Variants in SCNN1B observed in about 807,000 individuals in gnomAD.
The protein encoded by SCNN1B is epithelial sodium channel subunit beta.
Under a neutral mutation model 65.3 loss-of-function variants are expected in SCNN1B, and 46 were observed. That is an observed-to-expected ratio of 0.70 (90% CI 0.56 to 0.90). SCNN1B has a LOEUF of 0.90. SCNN1B is among the 40% of genes least tolerant of loss of function. SCNN1B has a pLI of 0.00. For synonymous variants in SCNN1B, 349 were observed against 330.6 expected (o/e 1.06, Z -0.60); for missense variants, 751 against 830.5 (o/e 0.90, Z 1.18).
At chr16:23,299,302 C>T (rs544749516), upstream of SCNN1B, among the ~76,000 whole-genome samples, 48 of 152,146 alleles carry the variant, frequency 3.2e-4, no homozygotes, top group East Asian at 2.9e-3. Flanking sequence ...TCAGGCAATC[C>T]GCCCACCTTG....
At chr16:23,375,352 C>G (rs1259230480) in intron 7 of SCNN1B, among the ~76,000 whole-genome samples, 1 of 152,170 alleles carries the variant, frequency 6.6e-6, no homozygotes. Flanking sequence ...CAGGGTGCAT[C>G]TGTGTCAGGT....
At chr16:23,342,217 G>T (rs1282085679) in intron 1 of SCNN1B, among the ~76,000 whole-genome samples, 2 of 152,178 alleles carry the variant, frequency 1.3e-5, no homozygotes, top group African/African-American at 4.8e-5. Flanking sequence ...AGTGAAAGAA[G>T]CCAGTCAGAA....
Position 23,371,834 on chromosome 16 carries a change from TC to T in SCNN1B, c.1107del (p.Val370SerfsTer26). On this transcript the variant is annotated frameshift_variant, in exon 7 of 13. Transcript: ENST00000343070. LOFTEE classifies it high-confidence loss of function. ...YSPCTVNGSEVPVQNFYSDYN... is the reference protein window; with the variant it reads ...YSPCTVNGSEXPVQNFYSDYN... ...CCGTGCACCGTGAATGGTTCTGAGG[TC>T]CCCGTCCAAAACTTCTACAGTGACT... The T allele has an allele frequency of 6.2e-7, 1 of 1,614,150 alleles. No individual in the cohort carries two copies. Among genetic ancestry groups the T allele is most frequent in the South Asian group, 1.1e-5 (1 of 91,074 alleles).
intron 2 of SCNN1B, among the ~76,000 whole-genome samples, chr16:23,289,828 A>G (rs1378374980): frequency 1.3e-5 from 2 of 151,966 alleles, no homozygotes; most frequent in Admixed American, 6.6e-5. Flanking sequence ...GGCATGCGCC[A>G]CCACGCCTGG....
At position 23,362,226 on chromosome 16, in the gene SCNN1B, T is replaced by A. The variant is rs200555552; in HGVS notation, c.777-5630T>A. Among the ~76,000 whole-genome samples, 7 of 151,322 alleles carry A rather than the reference T, an allele frequency of 4.6e-5. No individual in the cohort carries two copies. The East Asian group carries it at 1.4e-3, about 30-fold the overall frequency. ...CGGGTGTGTTGGCATGCACCTGTAA[T>A]CCCAGCTACTAGGGAGGCTGAGGCA... is the stretch of plus-strand genomic sequence containing the variant. On this transcript the variant is annotated intron_variant, in intron 4 of 12. Transcript: ENST00000343070.
rs369905217 is a variant in SCNN1B, at chr16:23,375,866, G to A, written c.1270+11G>A. 5 of 1,564,136 alleles carry A rather than the reference G, an allele frequency of 3.2e-6. No homozygotes were observed. Among genetic ancestry groups the A allele is most frequent in the Admixed American group, 1.7e-5 (1 of 59,956 alleles). On this transcript the variant is annotated intron_variant, in intron 8 of 12. Coordinates refer to ENST00000343070, the MANE Select transcript of SCNN1B (RefSeq NM_000336.3). The stretch of plus-strand genomic sequence containing the variant: ...ACTTCCCAGACTGGGGTGAGCGGGG[G>A]CACGGGGGATCGGCACTCCAGCCAT...
intron 1 of SCNN1B, among the ~76,000 whole-genome samples, chr16:23,346,838 G>C (rs1040607322): frequency 6.6e-6 from 1 of 151,884 alleles, no homozygotes; most frequent in Non-Finnish European, 1.5e-5. Context: ...TGACACTTAG[G>C]TGCCAGGCAT....
Position 23,352,943 on chromosome 16 carries a change from C to T in SCNN1B, c.454C>T (p.Leu152Phe), listed in dbSNP as rs199832551. The stretch of plus-strand genomic sequence containing the variant: ...CATCTGGAACCACACACCCCTGGTC[C>T]TTATTGATGAACGGAACCCCCACCA... ...FSIWNHTPLVLIDERNPHHPM... is the reference protein window; with the variant it reads ...FSIWNHTPLVFIDERNPHHPM... Residue 152 changes from leucine to phenylalanine, a missense_variant, in exon 3 of 13, where the codon CTT becomes TTT. Coordinates refer to ENST00000343070, the MANE Select transcript of SCNN1B (RefSeq NM_000336.3). The T allele has an allele frequency of 3.1e-6, 5 of 1,614,094 alleles. No homozygotes were observed. Among genetic ancestry groups the T allele is most frequent in the African/African-American group, 1.3e-5 (1 of 74,922 alleles).
At chr16:23,352,560 T>A (rs1295958312) in intron 2 of SCNN1B, among the ~76,000 whole-genome samples, 1 of 152,220 alleles carries the variant, frequency 6.6e-6, no homozygotes, top group Non-Finnish European at 1.5e-5. Flanking sequence ...CCTGCTGCCA[T>A]GTAAGACATG....
intron 2 of SCNN1B, among the ~76,000 whole-genome samples, chr16:23,288,528 T>A (rs1960882576): frequency 6.6e-6 from 1 of 152,120 alleles, no homozygotes; most frequent in African/African-American, 2.4e-5. Context: ...TGGGGCCAGG[T>A]GCAGTGGCTC....
At chr16:23,341,010 AT>A (rs1962043913) in intron 1 of SCNN1B, among the ~76,000 whole-genome samples, 1 of 152,090 alleles carries the variant, frequency 6.6e-6, no homozygotes, top group South Asian at 2.1e-4. Context: ...CAGTTTGTCA[AT>A]TTCTACAAAA....
In SCNN1B at chr16:23,351,869, T is replaced by TC. The variant is rs546148428; in HGVS notation, c.312-926dup. Among the ~76,000 whole-genome samples the TC allele has an allele frequency of 1.8e-3, 266 of 150,760 alleles. 1 individual carries two copies. The highest frequency in any genetic ancestry group is 2.9e-3 in the Non-Finnish European group (200 of 67,970). ...AACTGGCTCCTGTTCCCAAAGTTGC[T>TC]CCCCCCTGGGAGGGAGATCTCAGAA... On this transcript the variant is annotated intron_variant, in intron 2 of 12. Coordinates refer to ENST00000343070, the MANE Select transcript of SCNN1B (RefSeq NM_000336.3).
intron 2 of SCNN1B, among the ~76,000 whole-genome samples, chr16:23,293,114 C>CAAAAAAAAAAAAAAAAAAAA (rs1191618996): frequency 5.9e-5 from 2 of 34,180 alleles, no homozygotes; most frequent in African/African-American, 7.6e-5. Flanking sequence ...GACTCATTCT[C>CAAAAAAAAAAAAAAAAAAAA]AAAAAAAAAA....
chr16:23,373,994 T>A (rs1235714549), intron 7 of SCNN1B, among the ~76,000 whole-genome samples: 2 of 152,118 alleles, frequency 1.3e-5, no homozygotes, highest in Non-Finnish European at 2.9e-5. Context: ...TCGGGAGCTC[T>A]GCCCATCCCC....
At chr16:23,318,062 C>T (rs748833092) in intron 1 of SCNN1B, among the ~76,000 whole-genome samples, 1 of 152,126 alleles carries the variant, frequency 6.6e-6, no homozygotes, top group Non-Finnish European at 1.5e-5. Flanking sequence ...GGCAAACGGC[C>T]CAGGTTTGCT....
chr16:23,289,877 T>C (rs536055347), intron 2 of SCNN1B, among the ~76,000 whole-genome samples: 9 of 152,036 alleles, frequency 5.9e-5, no homozygotes, highest in African/African-American at 9.7e-5. Context: ...GGTTTCACCA[T>C]GTTGGCCAGG....
intron 1 of SCNN1B, among the ~76,000 whole-genome samples, chr16:23,304,932 C>A (rs781149767): frequency 1.2e-4 from 18 of 152,148 alleles, no homozygotes; most frequent in Non-Finnish European, 2.4e-4. Flanking sequence ...AGGGACTCAT[C>A]AGCATCAGTA....
intron 1 of SCNN1B, among the ~76,000 whole-genome samples, chr16:23,307,206 A>G (rs1314412358): frequency 6.6e-6 from 1 of 152,054 alleles, no homozygotes; most frequent in African/African-American, 2.4e-5. Context: ...GGGTTCGAAG[A>G]CAGAGTGAAT....
intron 1 of SCNN1B, among the ~76,000 whole-genome samples, chr16:23,329,006 C>T (rs2141999615): frequency 6.6e-6 from 1 of 152,154 alleles, no homozygotes; most frequent in South Asian, 2.1e-4. Flanking sequence ...CGCTGTCTTG[C>T]CCAGGCTGGT....
Sources: gnomAD v4.1 joint callset for allele counts (sites outside exome capture counted in the v4.1 genomes callset) on GRCh38, gnomAD v4.1.1 for gene constraint, MANE v1.5 for transcripts, NCBI Gene and HGNC (gene_info 2026-07-23, HGNC 2026-07-21) for gene names.